PDIA5: variants seen among roughly 807,000 people sequenced by gnomAD.
PDIA5 encodes protein disulfide isomerase family A member 5, also known as protein disulfide-isomerase A5.
PDIA5 carries 58 observed loss-of-function variants against 77.6 expected under a neutral mutation model. The ratio of observed to expected loss-of-function variants is 0.75; its 90% CI spans 0.61 to 0.93. The LOEUF (loss-of-function observed/expected upper bound fraction) is 0.93, where lower values mean the gene tolerates loss of function less well. Ranked by LOEUF, PDIA5 falls within the 40% of genes least tolerant of loss-of-function variation. PDIA5 has a pLI of 0.00. For missense variants in PDIA5, 630 were observed against 647.7 expected, an observed-to-expected ratio of 0.97 and a Z score of 0.30; for synonymous variants, 250 against 252.1, an observed-to-expected ratio of 0.99 and a Z score of 0.08.
intron 11 of PDIA5, chr3:123,145,111 C>T (rs1171413927): frequency 1.2e-5 from 2 of 165,254 alleles, no homozygotes; most frequent in Non-Finnish European, 2.6e-5. Flanking sequence ...TAGGGCCTCT[C>T]ACCAGATGGT....
rs563464312 is a variant in PDIA5 at position 123,133,763 on chromosome 3, GAC to G, written c.910+3149_910+3150del. Among the ~76,000 whole-genome samples, 186 of 152,304 alleles carry G rather than the reference GAC, an allele frequency of 1.2e-3. 1 individual carries two copies. Among genetic ancestry groups the G allele is most frequent in the African/African-American group, 4.2e-3 (175 of 41,562 alleles). ...CAGCTGAAATGTCAGACCATGCATT[GAC>G]ATTTTGAAGTACCCCAACAAACCGA... On this transcript the variant is annotated intron_variant, in intron 11 of 16. Transcript: ENST00000316218.
intron 11 of PDIA5, among the ~76,000 whole-genome samples, chr3:123,135,889 T>C (rs899261331): frequency 6.6e-6 from 1 of 151,072 alleles, no homozygotes; most frequent in Non-Finnish European, 1.5e-5. Context: ...CATGTATAGA[T>C]TTGTGTAACT....
chr3:123,106,281 T>C (rs903834925), intron 5 of PDIA5, among the ~76,000 whole-genome samples: 3 of 152,250 alleles, frequency 2.0e-5, no homozygotes. Flanking sequence ...TATGATGATC[T>C]GCTTATGGGA....
intron 14 of PDIA5, among the ~76,000 whole-genome samples, chr3:123,151,975 GCCTT>G (rs1322344213): frequency 2.5e-5 from 3 of 121,514 alleles, no homozygotes; most frequent in African/African-American, 8.2e-5. Flanking sequence ...CTTCCTTCCT[GCCTT>G]CCTTCCTGCC....
intron 14 of PDIA5, among the ~76,000 whole-genome samples, chr3:123,154,387 G>A (rs919806059): frequency 6.6e-6 from 1 of 152,168 alleles, no homozygotes; most frequent in Non-Finnish European, 1.5e-5. Context: ...TTATTGTAGA[G>A]CAAAGAGTAG....
intron 6 of PDIA5, among the ~76,000 whole-genome samples, chr3:123,109,743 A>G (rs902402886): frequency 1.6e-4 from 25 of 151,916 alleles, no homozygotes; most frequent in African/African-American, 5.8e-4. Context: ...GCCTGCTGAT[A>G]TTTTTGTAGT....
At chr3:123,121,128 T>G (rs1935106611) in intron 8 of PDIA5, among the ~76,000 whole-genome samples, 1 of 152,246 alleles carries the variant, frequency 6.6e-6, no homozygotes, top group Non-Finnish European at 1.5e-5. Context: ...GTCTTCTCCT[T>G]TCTGTGTATC....
At chr3:123,119,787 C>T (rs184475493) in intron 8 of PDIA5, among the ~76,000 whole-genome samples, 17 of 152,312 alleles carry the variant, frequency 1.1e-4, no homozygotes, top group Non-Finnish European at 1.6e-4. Flanking sequence ...TGGATTAGGG[C>T]CTTCTGTCAC....
intron 3 of PDIA5, among the ~76,000 whole-genome samples, chr3:123,101,106 G>A (rs571683005): frequency 2.8e-4 from 42 of 152,306 alleles, no homozygotes; most frequent in African/African-American, 8.9e-4. Context: ...GGTCTCTAAG[G>A]GACTGGTTTA....
chr3:123,158,536 G>T (rs112105258), intron 15 of PDIA5, among the ~76,000 whole-genome samples: 148 of 152,300 alleles, frequency 9.7e-4, no homozygotes, highest in African/African-American at 3.3e-3. Context: ...AGTCACCAAG[G>T]CTCAGTCCCA....
chr3:123,100,233 C>T (rs555910439), intron 3 of PDIA5, among the ~76,000 whole-genome samples: 2 of 152,356 alleles, frequency 1.3e-5, no homozygotes, highest in Admixed American at 6.5e-5. Flanking sequence ...GCACCTCGTT[C>T]GCAGTTGTTC....
intron 2 of PDIA5, among the ~76,000 whole-genome samples, chr3:123,091,815 C>A (rs1934292125): frequency 1.3e-5 from 2 of 152,152 alleles, no homozygotes; most frequent in Admixed American, 6.5e-5. Flanking sequence ...CACTTATAGA[C>A]CTCATTTTAT....
intron 11 of PDIA5, among the ~76,000 whole-genome samples, chr3:123,136,386 A>G (rs1935503754): frequency 6.6e-6 from 1 of 152,202 alleles, no homozygotes; most frequent in Non-Finnish European, 1.5e-5. Flanking sequence ...AGGGCTGGTC[A>G]CCACTCACAG....
At chr3:123,120,838 C>T (rs549005566) in intron 8 of PDIA5, among the ~76,000 whole-genome samples, 1 of 152,202 alleles carries the variant, frequency 6.6e-6, no homozygotes, top group Non-Finnish European at 1.5e-5. Context: ...CATCATCAGG[C>T]ATCTTCCTCA....
chr3:123,145,456 GGC>G, intron 11 of PDIA5, 64 bp from the exon 12 acceptor site: 1 of 1,202,708 alleles, frequency 8.3e-7, no homozygotes, highest in Middle Eastern at 2.1e-4. Flanking sequence ...TTACAGAGGC[GGC>G]GCAGGGGAGC....
At chr3:123,082,315 G>A (rs1003288190) in intron 1 of PDIA5, among the ~76,000 whole-genome samples, 1 of 152,034 alleles carries the variant, frequency 6.6e-6, no homozygotes, top group African/African-American at 2.4e-5. Context: ...GCCTGGAGTC[G>A]GGAGGCCCAA....
In PDIA5 at chr3:123,151,867, TCCTGCCCGCCTTCCTG is replaced by T. The variant is rs1560562095; in HGVS notation, c.1273+1510_1273+1525del. On this transcript the variant is annotated intron_variant, in intron 14 of 16. Coordinates refer to ENST00000316218, the MANE Select transcript of PDIA5 (RefSeq NM_006810.4). ...TGCCTTCCTTCCTGCCCTCCTTCCT[TCCTGCCCGCCTTCCTG>T]CCTGCCTTCCTTCCTGCCTGCCTTC... is the stretch of plus-strand genomic sequence containing the variant. 2.2e-3 allele frequency among the ~76,000 whole-genome samples: 284 copies of T among 127,248 alleles called. 6 individuals carry two copies. Among genetic ancestry groups the T allele is most frequent in the Non-Finnish European group, 3.7e-3 (225 of 60,758 alleles). 83.5% of individuals were successfully genotyped at this position (127,248 alleles called of 152,430 possible).
At position 123,106,790 on chromosome 3, in the gene PDIA5, G is replaced by A; in HGVS notation, c.429G>A (p.Leu143=). Residue 143 remains leucine (L), a synonymous_variant, in exon 6 of 17, where the codon CTG becomes CTA. Transcript: ENST00000316218. The part of the protein sequence containing the change: ...AFLKDPKGPP[L]WEEDPGAKDV... ...TGAAGGATCCAAAAGGGCCCCCACT[G>A]TGGGAGGAAGATCCTGGAGCCAAAG... The A allele has an allele frequency of 1.2e-6, 2 of 1,613,014 alleles. No individual in the cohort carries two copies. Among genetic ancestry groups the A allele is most frequent in the Non-Finnish European group, 8.5e-7 (1 of 1,179,672 alleles).
At chr3:123,132,110 A>G (rs1460447953) in intron 11 of PDIA5, among the ~76,000 whole-genome samples, 1 of 152,192 alleles carries the variant, frequency 6.6e-6, no homozygotes, top group Non-Finnish European at 1.5e-5. Context: ...CCAGCGTGCC[A>G]CAAAGTGAGT....
Sources: allele counts gnomAD v4.1 joint callset (sites outside exome capture counted in the v4.1 genomes callset), GRCh38; gene constraint gnomAD v4.1.1; transcripts MANE v1.5; gene names NCBI Gene and HGNC (gene_info 2026-07-23, HGNC 2026-07-21).